Variants in METTL15 observed in about 807,000 individuals in gnomAD.
METTL15 encodes the protein methyltransferase 15, mitochondrial 12S rRNA N4-cytidine.
In METTL15, 34 loss-of-function variants were observed where a neutral mutation model predicts 38.3. The observed-to-expected ratio is 0.89, with a 90% CI of 0.68 to 1.18. The LOEUF (loss-of-function observed/expected upper bound fraction) is 1.18, where lower values mean the gene tolerates loss of function less well. Among genes scored for constraint, METTL15 ranks in the 50% most tolerant of loss-of-function variants. The probability of loss-of-function intolerance (pLI) is 0.00; values close to 1 mark genes in which losing one functional copy is unlikely to be tolerated. For missense variants in METTL15, 438 were observed against 498.4 expected (o/e 0.88, Z 1.15); for synonymous variants, 162 against 170.9 (o/e 0.95, Z 0.41).
intron 5 of METTL15, among the ~76,000 whole-genome samples, chr11:28,366,619 C>T (rs1044703826): frequency 6.6e-6 from 1 of 152,158 alleles, no homozygotes; most frequent in African/African-American, 2.4e-5. Context: ...GTATTTAATA[C>T]TGCATTTTCA....
chr11:28,252,882 A>T (rs1165452639), intron 4 of METTL15, among the ~76,000 whole-genome samples: 1 of 151,998 alleles, frequency 6.6e-6, no homozygotes, highest in Non-Finnish European at 1.5e-5. Context: ...TTTCATCCTC[A>T]CTACTTTACT....
intron 3 of METTL15, among the ~76,000 whole-genome samples, chr11:28,198,534 T>C (rs1428895535): frequency 6.6e-6 from 1 of 152,090 alleles, no homozygotes; most frequent in African/African-American, 2.4e-5. Flanking sequence ...TCTGATAAAA[T>C]GGGAAGAGAT....
chr11:28,486,621 A>G (rs1201006780), intron 6 of METTL15, among the ~76,000 whole-genome samples: 5 of 152,130 alleles, frequency 3.3e-5, no homozygotes, highest in African/African-American at 7.2e-5. Flanking sequence ...CCTTTAGGCC[A>G]TCTATGTGGT....
At chr11:28,272,179 A>T (rs1855669893) in intron 4 of METTL15, among the ~76,000 whole-genome samples, 1 of 152,184 alleles carries the variant, frequency 6.6e-6, no homozygotes, top group African/African-American at 2.4e-5. Flanking sequence ...AAGGATCTAG[A>T]ACTAGAAATA....
intron 3 of METTL15, among the ~76,000 whole-genome samples, chr11:28,117,305 G>T (rs1462082771): frequency 1.4e-5 from 2 of 138,038 alleles, no homozygotes; most frequent in Non-Finnish European, 3.1e-5. Flanking sequence ...ATATATGAAA[G>T]GATAGGGGCA....
chr11:28,373,028 A>G (rs987879592), intron 5 of METTL15, among the ~76,000 whole-genome samples: 1 of 151,990 alleles, frequency 6.6e-6, no homozygotes, highest in Non-Finnish European at 1.5e-5. Context: ...ATTATTGGAC[A>G]TTGGGGTTGG....
At chr11:28,498,146 A>G (rs570809390) in intron 6 of METTL15, among the ~76,000 whole-genome samples, 1 of 151,970 alleles carries the variant, frequency 6.6e-6, no homozygotes, top group Non-Finnish European at 1.5e-5. Context: ...ATCTCTTAAT[A>G]CCACCACATT....
chr11:28,281,401 C>CT (rs981740130), intron 4 of METTL15, among the ~76,000 whole-genome samples: 10 of 152,288 alleles, frequency 6.6e-5, no homozygotes, highest in African/African-American at 2.2e-4. Flanking sequence ...GTTTCTTCAG[C>CT]TCTCAGCATC....
intron 6 of METTL15, among the ~76,000 whole-genome samples, chr11:28,510,452 G>A (rs1851664894): frequency 6.6e-6 from 1 of 152,136 alleles, no homozygotes; most frequent in South Asian, 2.1e-4. Context: ...ATGTCCAATA[G>A]TGAGAAAATG....
At chr11:28,127,963 A>G (rs1852566347) in intron 3 of METTL15, among the ~76,000 whole-genome samples, 1 of 152,110 alleles carries the variant, frequency 6.6e-6, no homozygotes, top group Non-Finnish European at 1.5e-5. Context: ...TATTCAACCT[A>G]TTAGTTGACT....
intron 4 of METTL15, among the ~76,000 whole-genome samples, chr11:28,240,167 C>G (rs1393838330): frequency 6.6e-6 from 1 of 152,138 alleles, no homozygotes; most frequent in Non-Finnish European, 1.5e-5. Context: ...TAATACTTGA[C>G]TTTTCATGAG....
chr11:28,336,523 G>A (rs1053099575), downstream of METTL15, among the ~76,000 whole-genome samples: 1 of 152,190 alleles, frequency 6.6e-6, no homozygotes, highest in Non-Finnish European at 1.5e-5. Flanking sequence ...AAAAGTGTGT[G>A]TTGCAGGTCT....
intron 5 of METTL15, among the ~76,000 whole-genome samples, chr11:28,422,820 G>A (rs534461179): frequency 2.1e-4 from 32 of 152,054 alleles, no homozygotes; most frequent in South Asian, 1.2e-3. Context: ...ACAAGGACAG[G>A]CAACCAAAGC....
chr11:28,164,830 C>T (rs902781373), intron 3 of METTL15, among the ~76,000 whole-genome samples: 2 of 152,004 alleles, frequency 1.3e-5, no homozygotes, highest in African/African-American at 4.8e-5. Context: ...AAACTTTGTA[C>T]CCTTGGAGCA....
At chr11:28,377,032 G>A (rs1448063031) in intron 5 of METTL15, among the ~76,000 whole-genome samples, 1 of 130,856 alleles carries the variant, frequency 7.6e-6, no homozygotes, top group Non-Finnish European at 1.7e-5. Context: ...GAGATCCGCT[G>A]TTAGTCTGAT....
intron 6 of METTL15, among the ~76,000 whole-genome samples, chr11:28,492,708 T>A (rs1473815155): frequency 6.6e-6 from 1 of 152,172 alleles, no homozygotes; most frequent in Non-Finnish European, 1.5e-5. Flanking sequence ...TTACAGCGTT[T>A]GTAGCATTGA....
At chr11:28,183,833 G>T (rs574806579) in intron 3 of METTL15, among the ~76,000 whole-genome samples, 1 of 152,068 alleles carries the variant, frequency 6.6e-6, no homozygotes, top group African/African-American at 2.4e-5. Context: ...AGAAGGAATG[G>T]TACCAGCTTC....
At chr11:28,179,695 GT>G (rs1392873201) in intron 3 of METTL15, among the ~76,000 whole-genome samples, 1 of 151,650 alleles carries the variant, frequency 6.6e-6, no homozygotes, top group African/African-American at 2.4e-5. Flanking sequence ...ATATTTTCTA[GT>G]TTTGTTTATT....
chr11:28,445,027 C>A (rs1333446087), intron 6 of METTL15, among the ~76,000 whole-genome samples: 1 of 151,980 alleles, frequency 6.6e-6, no homozygotes, highest in East Asian at 1.9e-4. Context: ...GGGGAAGGGG[C>A]AAACATGAGA....
Sources: allele counts gnomAD v4.1 joint callset (sites outside exome capture counted in the v4.1 genomes callset), GRCh38; gene constraint gnomAD v4.1.1; transcripts MANE v1.5; gene names NCBI Gene and HGNC (gene_info 2026-07-23, HGNC 2026-07-21).